CNTN5: variants seen among roughly 807,000 people sequenced by gnomAD.
The protein encoded by CNTN5 is contactin 5.
CNTN5 carries 77 observed loss-of-function variants against 129.1 expected under a neutral mutation model. The observed-to-expected ratio is 0.60, with a 90% CI of 0.50 to 0.72. The LOEUF is 0.72. Ranked by LOEUF, CNTN5 falls within the 30% of genes least tolerant of loss-of-function variation. The pLI, the probability that CNTN5 is intolerant of heterozygous loss-of-function variation, is 0.00. For missense variants in CNTN5, 1,478 were observed against 1,328.8 expected (o/e 1.11, Z -1.75); for synonymous variants, 509 against 465.6 (o/e 1.09, Z -1.20).
intron 13 of CNTN5, among the ~76,000 whole-genome samples, chr11:100,143,452 G>A (rs1946759602): frequency 6.6e-6 from 1 of 152,020 alleles, no homozygotes; most frequent in African/African-American, 2.4e-5. Flanking sequence ...GAGACTCGCT[G>A]GGCAAAACCT....
chr11:99,168,980 T>C (rs142310167), intron 1 of CNTN5, among the ~76,000 whole-genome samples: 44 of 152,322 alleles, frequency 2.9e-4, no homozygotes, highest in East Asian at 2.7e-3. Flanking sequence ...GAACATGGTG[T>C]TAGTTTCTAT....
intron 3 of CNTN5, among the ~76,000 whole-genome samples, chr11:99,672,313 C>T (rs968462309): frequency 9.9e-5 from 15 of 152,092 alleles, no homozygotes; most frequent in Middle Eastern, 3.4e-3. Context: ...GTTGCCACCA[C>T]GTCCTATAGT....
At chr11:99,971,739 A>T (rs946126107) in intron 8 of CNTN5, among the ~76,000 whole-genome samples, 38 of 152,100 alleles carry the variant, frequency 2.5e-4, no homozygotes, top group African/African-American at 9.2e-4. Context: ...GTCAAAGAAT[A>T]ATGTTTTGTT....
chr11:99,461,786 C>G (rs527980861), intron 2 of CNTN5, among the ~76,000 whole-genome samples: 1 of 152,156 alleles, frequency 6.6e-6, no homozygotes, highest in Admixed American at 6.5e-5. Flanking sequence ...CTAACACTTT[C>G]AAGAATGTGC....
At chr11:99,984,642 G>C (rs1044394249) in intron 8 of CNTN5, among the ~76,000 whole-genome samples, 4 of 152,064 alleles carry the variant, frequency 2.6e-5, no homozygotes, top group African/African-American at 9.7e-5. Context: ...CTGAATTTTA[G>C]TATGCATATG....
intron 3 of CNTN5, among the ~76,000 whole-genome samples, chr11:99,579,965 G>A (rs1004627036): frequency 3.3e-5 from 5 of 150,776 alleles, no homozygotes; most frequent in African/African-American, 1.2e-4. Flanking sequence ...TTGGCTGTGG[G>A]TTTGTCATAG....
chr11:100,213,744 A>C (rs752317500), intron 15 of CNTN5, among the ~76,000 whole-genome samples: 7 of 152,150 alleles, frequency 4.6e-5, no homozygotes, highest in Non-Finnish European at 8.8e-5. Flanking sequence ...CTACAATGTA[A>C]GCATTGCTTT....
chr11:100,033,306 A>G (rs909646192), intron 9 of CNTN5, among the ~76,000 whole-genome samples: 2 of 152,188 alleles, frequency 1.3e-5, no homozygotes, highest in Middle Eastern at 3.2e-3. Context: ...AACAGAGTAA[A>G]ATAAGGGAGA....
chr11:99,638,557 C>G (rs1951650480), intron 3 of CNTN5, among the ~76,000 whole-genome samples: 1 of 152,134 alleles, frequency 6.6e-6, no homozygotes, highest in Non-Finnish European at 1.5e-5. Context: ...AAATCAAAAG[C>G]AAACTAGTTA....
chr11:100,239,075 T>A (rs1467571155), intron 16 of CNTN5, among the ~76,000 whole-genome samples: 1 of 152,208 alleles, frequency 6.6e-6, no homozygotes, highest in East Asian at 1.9e-4. Context: ...TTCAGTTAAC[T>A]GAGCTGATGA....
At chr11:99,121,474 A>T (rs916025521) in intron 1 of CNTN5, among the ~76,000 whole-genome samples, 1 of 152,172 alleles carries the variant, frequency 6.6e-6, no homozygotes, top group African/African-American at 2.4e-5. Flanking sequence ...AACAACACAA[A>T]GACACATCCT....
At chr11:99,255,449 TAA>T (rs759465480) in intron 1 of CNTN5, among the ~76,000 whole-genome samples, 129 of 151,556 alleles carry the variant, frequency 8.5e-4, no homozygotes, top group Non-Finnish European at 1.1e-3. Context: ...AAATTCTGTT[TAA>T]AGATTTTAGA....
At chr11:99,382,249 C>G (rs1314597378) in intron 2 of CNTN5, among the ~76,000 whole-genome samples, 1 of 152,090 alleles carries the variant, frequency 6.6e-6, no homozygotes, top group Non-Finnish European at 1.5e-5. Flanking sequence ...AGCATAGATA[C>G]AAACACTGAG....
At chr11:100,063,067 T>C (rs1943546019) in intron 10 of CNTN5, among the ~76,000 whole-genome samples, 1 of 152,168 alleles carries the variant, frequency 6.6e-6, no homozygotes, top group African/African-American at 2.4e-5. Context: ...CTCTGAAGGC[T>C]ATCAGAGGAA....
At chr11:99,995,266 A>G (rs1482763565) in intron 8 of CNTN5, among the ~76,000 whole-genome samples, 3 of 152,138 alleles carry the variant, frequency 2.0e-5, no homozygotes, top group Admixed American at 6.5e-5. Context: ...AGCCAGGTCT[A>G]GAAGCCAAAT....
chr11:99,206,068 A>T (rs1256670420), intron 1 of CNTN5, among the ~76,000 whole-genome samples: 1 of 152,068 alleles, frequency 6.6e-6, no homozygotes, highest in African/African-American at 2.4e-5. Flanking sequence ...TATTCTTTAC[A>T]TGTCATTAGG....
At chr11:99,051,800 G>T (rs1191687227) in intron 1 of CNTN5, among the ~76,000 whole-genome samples, 1 of 151,818 alleles carries the variant, frequency 6.6e-6, no homozygotes, top group African/African-American at 2.4e-5. Context: ...TTCAGGGATT[G>T]TAGTTTATAT....
At chr11:99,573,576 AAAAAAATAAAAATAAAAAAT>A (rs1046115702) in intron 3 of CNTN5, among the ~76,000 whole-genome samples, 4 of 43,916 alleles carry the variant, frequency 9.1e-5, no homozygotes, top group South Asian at 6.3e-4. Context: ...TCCGTCTCAA[AAAAAAATAAAAATAAAAAAT>A]AAAAAATAAA....
intron 13 of CNTN5, among the ~76,000 whole-genome samples, chr11:100,075,441 C>T (rs1039328487): frequency 1.2e-4 from 19 of 152,082 alleles, no homozygotes; most frequent in Admixed American, 1.1e-3. Flanking sequence ...AAAAACATAA[C>T]ACATTTATTT....
Sources: gnomAD v4.1 joint callset for allele counts (sites outside exome capture counted in the v4.1 genomes callset) on GRCh38, gnomAD v4.1.1 for gene constraint, MANE v1.5 for transcripts, NCBI Gene and HGNC (gene_info 2026-07-23, HGNC 2026-07-21) for gene names.